The following GRHL1 variants were observed in gnomAD, a reference collection of about 807,000 sequenced individuals.
GRHL1 encodes the protein grainyhead-like protein 1 homolog.
Under a neutral mutation model 75.7 loss-of-function variants are expected in GRHL1, and 38 were observed. The ratio of observed to expected loss-of-function variants is 0.50; its 90% confidence interval spans 0.39 to 0.66. GRHL1 has a LOEUF of 0.66. GRHL1 is among the 30% of genes least tolerant of loss of function. The probability of loss-of-function intolerance (pLI) is 0.00; values close to 1 mark genes in which losing one functional copy is unlikely to be tolerated. For missense variants in GRHL1, 589 were observed against 767.5 expected (o/e 0.77, Z 2.75); for synonymous variants, 266 against 279.4 (o/e 0.95, Z 0.48).
In GRHL1 at chr2:9,965,391, GAGGTCTGGGC is replaced by G. The variant is rs1558296072; in HGVS notation, c.1110+11_1110+20del. On this transcript the variant is annotated intron_variant, in intron 8 of 15. Coordinates refer to ENST00000324907, the MANE Select transcript of GRHL1 (RefSeq NM_198182.3). ...CAACGATGAAGCAAAGGTGGGTGGT[GAGGTCTGGGC>G]GCCTTATGTCCAGCCATTTGAGAAA... is the stretch of plus-strand genomic sequence containing the variant. 6.6e-7 allele frequency: 1 copy of G among 1,504,898 alleles called. No individual in the cohort carries two copies. The highest frequency in any genetic ancestry group is 9.3e-7 in the Non-Finnish European group (1 of 1,080,430). 93.2% of individuals were successfully genotyped at this position (1,504,898 alleles called of 1,614,324 possible). A position where few individuals can be genotyped will look rare whatever the true frequency, so the allele number is the denominator to read the frequency against.
At chr2:9,979,008 A>G (rs969489930) in intron 8 of GRHL1, among the ~76,000 whole-genome samples, 7 of 151,332 alleles carry the variant, frequency 4.6e-5, no homozygotes, top group African/African-American at 1.7e-4. Flanking sequence ...CAAAATTCAA[A>G]AATTAGCCAG....
In GRHL1 at chr2:9,960,417, C is replaced by T. The variant is rs892728194; in HGVS notation, c.279-629C>T. 54 of 150,774 alleles carry T rather than the reference C, an allele frequency of 3.6e-4. 1 individual carries two copies. The highest frequency in any genetic ancestry group is 1.1e-3 in the African/African-American group (45 of 40,832). The allele number at this position is 150,774 out of a possible 1,614,324, so 9.3% of individuals were successfully genotyped here. ...TCACGCCATTGCACACCAGCCTGGG[C>T]CATAAGGGCAAGACTCTGTCTCAAA... On this transcript the variant is annotated intron_variant, in intron 3 of 15. Coordinates refer to ENST00000324907, the MANE Select transcript of GRHL1 (RefSeq NM_198182.3).
At chr2:9,971,676 C>G (rs983499710) in intron 8 of GRHL1, among the ~76,000 whole-genome samples, 2 of 152,112 alleles carry the variant, frequency 1.3e-5, no homozygotes, top group African/African-American at 4.8e-5. Flanking sequence ...GTACCAGAAT[C>G]GAGATAGTCA....
At chr2:9,979,096 G>A (rs187472095) in intron 8 of GRHL1, among the ~76,000 whole-genome samples, 4,777 of 134,704 alleles carry the variant, frequency 0.035, 295 homozygotes, top group African/African-American at 0.12. Flanking sequence ...GGAGGTGGAG[G>A]TTGCAGTGAG....
chr2:9,967,298 C>T (rs896334114), intron 8 of GRHL1, among the ~76,000 whole-genome samples: 1 of 152,230 alleles, frequency 6.6e-6, no homozygotes, highest in Admixed American at 6.5e-5. Context: ...GATTAATAAG[C>T]GCTTGTCATA....
At position 9,990,273 on chromosome 2, in the gene GRHL1, C is replaced by A. The variant is rs1668584447; in HGVS notation, c.1270-423C>A. Among the ~76,000 whole-genome samples the A allele has an allele frequency of 6.6e-6, 1 of 152,060 alleles. No individual in the cohort carries two copies. Among genetic ancestry groups the A allele is most frequent in the Non-Finnish European group, 1.5e-5 (1 of 68,020 alleles). ...TCAAGCAGTTCTCCTGCCTCAGCCT[C>A]CCAAGTAGCTGGGACTACAGGTGCC... On this transcript the variant is annotated intron_variant, in intron 9 of 15. Coordinates refer to ENST00000324907, the MANE Select transcript of GRHL1 (RefSeq NM_198182.3). This position sits in a 1 kb window ranked among gnomAD's most constrained non-coding sequence, Gnocchi z 4.2.
intron 8 of GRHL1, 129 bp from the exon 9 acceptor site, chr2:9,985,995 A>T (rs1835424): frequency 0.22 from 143,045 of 645,072 alleles, 17,468 homozygotes; most frequent in Admixed American, 0.37. Flanking sequence ...ACCCTTTTTT[A>T]AAAAATGAGA....
intron 9 of GRHL1, among the ~76,000 whole-genome samples, chr2:9,989,208 G>A (rs773107197): frequency 1.2e-4 from 18 of 152,132 alleles, no homozygotes; most frequent in Admixed American, 6.5e-5. Context: ...TTAAAATGTG[G>A]TCCTTATTAT....
intron 5 of GRHL1, among the ~76,000 whole-genome samples, chr2:9,962,835 G>A (rs1361119524): frequency 6.6e-6 from 1 of 151,960 alleles, no homozygotes; most frequent in Non-Finnish European, 1.5e-5. Context: ...GGTCTCTGAG[G>A]TCCTTTCTGT....
chr2:9,965,628 C>G, intron 8 of GRHL1: 1 of 474,202 alleles, frequency 2.1e-6, no homozygotes, highest in Non-Finnish European at 3.8e-6. Flanking sequence ...CCTGCCTGTT[C>G]AGCCTTGAGT....
At chr2:9,979,865 A>G (rs1395776319) in intron 8 of GRHL1, among the ~76,000 whole-genome samples, 1 of 152,228 alleles carries the variant, frequency 6.6e-6, no homozygotes, top group Non-Finnish European at 1.5e-5. Context: ...CATGGACTCC[A>G]AGTGCTTTGT....
intron 8 of GRHL1, among the ~76,000 whole-genome samples, chr2:9,966,648 G>T (rs1667508340): frequency 6.6e-6 from 1 of 152,024 alleles, no homozygotes; most frequent in African/African-American, 2.4e-5. Context: ...GACTATTAGG[G>T]TTTCATTTTA....
At position 9,994,625 on chromosome 2, in the gene GRHL1, G is replaced by A. The variant is rs562875892; in HGVS notation, c.1500-1254G>A. 7.0e-4 allele frequency among the ~76,000 whole-genome samples: 106 copies of A among 152,102 alleles called. 1 individual carries two copies. The highest frequency in any genetic ancestry group is 2.3e-3 in the African/African-American group (96 of 41,500). On this transcript the variant is annotated intron_variant, in intron 12 of 15. Transcript: ENST00000324907. ...TAGTGTTTCAGGCTTGAGTCCTGCC[G>A]GCACTTTCACTAGACGGCTGCTGTG...
At chr2:9,996,866 G>GT (rs1166799284) in intron 14 of GRHL1, among the ~76,000 whole-genome samples, 2 of 152,290 alleles carry the variant, frequency 1.3e-5, no homozygotes, top group African/African-American at 2.4e-5. Flanking sequence ...AGTGATGGCC[G>GT]TAAGTCCATC....
At chr2:9,967,638 A>C (rs921355685) in intron 8 of GRHL1, among the ~76,000 whole-genome samples, 5 of 152,116 alleles carry the variant, frequency 3.3e-5, no homozygotes, top group Admixed American at 6.6e-5. Context: ...TTTGAAGCTG[A>C]TATCAGGCAG....
intron 2 of GRHL1, among the ~76,000 whole-genome samples, chr2:9,956,838 G>A (rs919187740): frequency 3.3e-5 from 5 of 152,142 alleles, no homozygotes; most frequent in Non-Finnish European, 7.3e-5. Flanking sequence ...GTTGGTACAA[G>A]TTTTGTGCCA....
At chr2:9,969,347 C>G (rs564382865) in intron 8 of GRHL1, among the ~76,000 whole-genome samples, 1 of 152,314 alleles carries the variant, frequency 6.6e-6, no homozygotes, top group East Asian at 1.9e-4. Context: ...ATAAAAAGCA[C>G]CCAGTACTCC....
chr2:9,993,888 A>C (rs776244780), intron 12 of GRHL1, among the ~76,000 whole-genome samples: 1 of 152,178 alleles, frequency 6.6e-6, no homozygotes, highest in African/African-American at 2.4e-5. Context: ...TTCCCCATCA[A>C]ACTTTCAGTT....
rs771751236 is a variant in GRHL1, at chr2:9,958,763, C to T, written c.208-23C>T. The T allele has an allele frequency of 3.8e-6, 6 of 1,595,694 alleles. No homozygotes were observed. The South Asian group carries it at 6.6e-5, about 18-fold the overall frequency. On this transcript the variant is annotated intron_variant, in intron 2 of 15. Transcript: ENST00000324907. The stretch of plus-strand genomic sequence containing the variant: ...CACTTCACTGGATAAGAGCTAAATT[C>T]TTTTCATGTGTGCTAATATCAGGTT...
Sources: gnomAD v4.1 joint callset for allele counts (sites outside exome capture counted in the v4.1 genomes callset) on GRCh38, gnomAD v4.1.1 for gene constraint, Gnocchi (gnomAD v3.1) non-coding constraint, MANE v1.5 for transcripts, NCBI Gene and HGNC (gene_info 2026-07-23, HGNC 2026-07-21) for gene names.